The following PRMT8 variants were observed in gnomAD, a reference collection of about 807,000 sequenced individuals.
PRMT8 encodes the protein protein arginine methyltransferase 8.
Under a neutral mutation model 47.1 loss-of-function variants are expected in PRMT8, and 7 were observed. The ratio of observed to expected loss-of-function variants is 0.15; its 90% CI spans 0.08 to 0.28. The LOEUF (loss-of-function observed/expected upper bound fraction) is 0.28. Ranked by LOEUF, PRMT8 falls within the 10% of genes least tolerant of loss-of-function variation. PRMT8 has a pLI of 1.00. For synonymous variants in PRMT8, 188 were observed against 186.5 expected (o/e 1.01, Z -0.07); for missense variants, 237 against 505.4 (o/e 0.47, Z 5.09).
intron 1 of PRMT8, among the ~76,000 whole-genome samples, chr12:3,513,556 C>T (rs1865744603): frequency 6.6e-6 from 1 of 152,150 alleles, no homozygotes; most frequent in South Asian, 2.1e-4. Context: ...TTCTGTGTTT[C>T]CTTCTGTTAC....
intron 8 of PRMT8, among the ~76,000 whole-genome samples, chr12:3,588,956 G>A (rs1254477197): frequency 6.6e-6 from 1 of 152,194 alleles, no homozygotes; most frequent in Non-Finnish European, 1.5e-5. Flanking sequence ...CCTTTCCTGA[G>A]CGCCCACCCT....
In PRMT8 at chr12:3,568,725, T is replaced by A. The variant is rs376762424; in HGVS notation, c.501T>A (p.Gly167=). Residue 167 remains glycine (G), a synonymous_variant, in exon 5 of 10, where the codon GGT becomes GGA. Coordinates refer to ENST00000382622, the MANE Select transcript of PRMT8 (RefSeq NM_019854.5). Reference sequence around the variant, plus strand: ...TTCCAGTCATCACCATATTTAAGGGTAAAGTGGAAGAGGTGGAGCTGCCTG... The same window carrying A: ...TTCCAGTCATCACCATATTTAAGGGAAAAGTGGAAGAGGTGGAGCTGCCTG... ...HLDNIITIFK[G]KVEEVELPVE... 4.3e-6 allele frequency: 7 copies of A among 1,613,862 alleles called. No individual in the cohort carries two copies. The highest frequency in any genetic ancestry group is 1.6e-4 in the Middle Eastern group (1 of 6,062).
In PRMT8 at chr12:3,438,597, A is replaced by G. The variant is rs533712154; in HGVS notation, c.48+57155A>G. Among the ~76,000 whole-genome samples the G allele has an allele frequency of 8.5e-5, 13 of 152,318 alleles. 1 individual carries two copies. In the South Asian group the frequency reaches 2.3e-3, roughly 27 times the overall value. Reference sequence around the variant, plus strand: ...GGCCTCAGAGCCACCAGACAAATGCACTGATGACAAATTCCTTTGCTATCC... The same window carrying G: ...GGCCTCAGAGCCACCAGACAAATGCGCTGATGACAAATTCCTTTGCTATCC... On this transcript the variant is annotated intron_variant, in intron 1 of 9. Transcript: ENST00000452611.
chr12:3,425,418 GC>G (rs1182614023), intron 1 of PRMT8, among the ~76,000 whole-genome samples: 11 of 152,208 alleles, frequency 7.2e-5, no homozygotes, highest in Non-Finnish European at 8.8e-5. Context: ...CTCGGCCAGG[GC>G]CCCACAGTCT....
At chr12:3,461,232 G>C (rs1865037614) in intron 1 of PRMT8, among the ~76,000 whole-genome samples, 1 of 152,176 alleles carries the variant, frequency 6.6e-6, no homozygotes, top group African/African-American at 2.4e-5. Flanking sequence ...GCTCTTTGTA[G>C]ATTATCTGGG....
chr12:3,389,419 C>A (rs1167187874), intron 1 of PRMT8, among the ~76,000 whole-genome samples: 1 of 152,204 alleles, frequency 6.6e-6, no homozygotes, highest in Non-Finnish European at 1.5e-5. Flanking sequence ...TCCTCCCCAC[C>A]CTTCCCTTCT....
intron 1 of PRMT8, among the ~76,000 whole-genome samples, chr12:3,386,850 C>T (rs1376322726): frequency 6.6e-6 from 1 of 152,040 alleles, no homozygotes; most frequent in African/African-American, 2.4e-5. Context: ...GCTGAGATTA[C>T]AGGCGCCTGC....
Position 3,449,950 on chromosome 12 carries a change from A to T in PRMT8, c.48+68508A>T, listed in dbSNP as rs534331740. 7.2e-5 allele frequency among the ~76,000 whole-genome samples: 11 copies of T among 152,342 alleles called. No homozygotes were observed. In the East Asian group the frequency reaches 2.1e-3, roughly 29 times the overall value. On this transcript the variant is annotated intron_variant, in intron 1 of 9. Coordinates refer to the PRMT8 transcript ENST00000452611. Reference sequence around the variant, plus strand: ...CAGTTTCAATTTTCTGCTTATGGCTAGCCAGTTCTCCCATCACCATTTATT... The same window carrying T: ...CAGTTTCAATTTTCTGCTTATGGCTTGCCAGTTCTCCCATCACCATTTATT...
At chr12:3,431,266 TG>T (rs1864672546) in intron 1 of PRMT8, among the ~76,000 whole-genome samples, 1 of 151,642 alleles carries the variant, frequency 6.6e-6, no homozygotes. Flanking sequence ...TTGACCAGGG[TG>T]GGGGCCTGAT....
In PRMT8 at chr12:3,535,648, G is replaced by A. The variant is rs1272865070; in HGVS notation, c.76-4958G>A. 6.6e-6 allele frequency among the ~76,000 whole-genome samples: 1 copy of A among 152,192 alleles called. No homozygotes were observed. Among genetic ancestry groups the A allele is most frequent in the Non-Finnish European group, 1.5e-5 (1 of 68,040 alleles). On this transcript the variant is annotated intron_variant, in intron 1 of 9. Coordinates refer to ENST00000382622, the MANE Select transcript of PRMT8 (RefSeq NM_019854.5). This position sits in a 1 kb window ranked among gnomAD's most constrained non-coding sequence, Gnocchi z 4.7. ...CCAGAACCGACTCCAGGGCAGAGCA[G>A]GCAGGGCCAGACCTCCAGGGTGATG...
chr12:3,432,056 C>A (rs1341549800), intron 1 of PRMT8, among the ~76,000 whole-genome samples: 9 of 152,042 alleles, frequency 5.9e-5, no homozygotes, highest in Non-Finnish European at 1.2e-4. Context: ...GGCAAGTGCC[C>A]CCAAGTCCCC....
At chr12:3,524,207 G>A (rs1388519021) in intron 1 of PRMT8, among the ~76,000 whole-genome samples, 2 of 152,050 alleles carry the variant, frequency 1.3e-5, no homozygotes, top group Non-Finnish European at 2.9e-5. Flanking sequence ...GTTCCTAATG[G>A]AGTATCTAAT....
chr12:3,420,297 C>T (rs1462545834), intron 1 of PRMT8, among the ~76,000 whole-genome samples: 1 of 152,310 alleles, frequency 6.6e-6, no homozygotes, highest in Non-Finnish European at 1.5e-5. Context: ...CTGTGTGATA[C>T]TGAGTGAGTC....
chr12:3,385,913 A>ATCTG (rs1383362351), intron 1 of PRMT8, among the ~76,000 whole-genome samples: 13 of 44,214 alleles, frequency 2.9e-4, no homozygotes, highest in Non-Finnish European at 6.1e-5. Context: ...CTACTTGTTC[A>ATCTG]TCCGTCCATC....
chr12:3,531,011 C>G (rs763111024), intron 1 of PRMT8, among the ~76,000 whole-genome samples: 2 of 152,148 alleles, frequency 1.3e-5, no homozygotes, highest in Non-Finnish European at 2.9e-5. Flanking sequence ...CAGAACCCAC[C>G]GGTGCTGTTT....
chr12:3,538,639 CCTT>C lies in PRMT8; in HGVS notation c.76-1965_76-1963del, dbSNP rs773137502. The C allele has an allele frequency of 1.9e-6, 1 of 519,032 alleles. No homozygotes were observed. Among genetic ancestry groups the C allele is most frequent in the East Asian group, 5.4e-5 (1 of 18,352 alleles). 32.2% of individuals were successfully genotyped at this position (519,032 alleles called of 1,614,324 possible). On this transcript the variant is annotated intron_variant, in intron 1 of 9. Transcript: ENST00000382622. The surrounding 1 kb of genome is among the most constrained non-coding windows in gnomAD (Gnocchi z 4.6). Reference sequence around the variant, plus strand: ...CAGACCAGCTCCGACTTTTTCCTCTCCTTCACATATTTAAATGGAGTCGATATT... The same window carrying C: ...CAGACCAGCTCCGACTTTTTCCTCTCCACATATTTAAATGGAGTCGATATT...
intron 1 of PRMT8, among the ~76,000 whole-genome samples, chr12:3,483,461 C>T (rs77988070): frequency 0.11 from 15,876 of 147,930 alleles, 897 homozygotes; most frequent in African/African-American, 0.14. Context: ...TTTTTTTTTT[C>T]CTGTGGAATA....
intron 4 of PRMT8, among the ~76,000 whole-genome samples, chr12:3,567,146 G>A (rs1474639868): frequency 6.6e-6 from 1 of 152,200 alleles, no homozygotes; most frequent in Non-Finnish European, 1.5e-5. Context: ...CAACAAGCAG[G>A]AATATGTCAG....
In PRMT8 at chr12:3,572,481, C is replaced by A. The variant is rs1866864269; in HGVS notation, c.712+2917C>A. Among the ~76,000 whole-genome samples the A allele has an allele frequency of 6.6e-6, 1 of 152,194 alleles. No homozygotes were observed. Among genetic ancestry groups the A allele is most frequent in the Non-Finnish European group, 1.5e-5 (1 of 68,030 alleles). On this transcript the variant is annotated intron_variant, in intron 6 of 9. Transcript: ENST00000382622. This position sits in a 1 kb window ranked among gnomAD's most constrained non-coding sequence, Gnocchi z 5.9. ...GAATGAGAGAGATGGGCACCAGTTT[C>A]TTGGCTGATGAGAAGACTGAAAGAA...
Sources: gnomAD v4.1 joint callset for allele counts (sites outside exome capture counted in the v4.1 genomes callset) on GRCh38, gnomAD v4.1.1 for gene constraint, Gnocchi (gnomAD v3.1) non-coding constraint, MANE v1.5 for transcripts, NCBI Gene and HGNC (gene_info 2026-07-23, HGNC 2026-07-21) for gene names.